KCNH7: variants seen among roughly 807,000 people sequenced by gnomAD.
The protein encoded by KCNH7 is potassium voltage-gated channel subfamily H member 7.
KCNH7 carries 49 observed loss-of-function variants against 120.8 expected under a neutral mutation model. The ratio of observed to expected loss-of-function variants is 0.41; its 90% confidence interval spans 0.32 to 0.51. KCNH7 has a LOEUF of 0.51. KCNH7 is among the 20% of genes least tolerant of loss of function. KCNH7 has a pLI of 0.38. For missense variants in KCNH7, 1,097 were observed against 1,446.6 expected, an observed-to-expected ratio of 0.76 and a Z score of 3.92; for synonymous variants, 547 against 516.1, an observed-to-expected ratio of 1.06 and a Z score of -0.81.
At chr2:162,669,828 G>A (rs370483680) in intron 2 of KCNH7, among the ~76,000 whole-genome samples, 7 of 152,102 alleles carry the variant, frequency 4.6e-5, no homozygotes, top group South Asian at 2.1e-4. Context: ...GGCCGGGAGC[G>A]GTGGCTCACA....
chr2:162,716,739 T>G (rs546651455), intron 2 of KCNH7, among the ~76,000 whole-genome samples: 2 of 152,294 alleles, frequency 1.3e-5, no homozygotes, highest in South Asian at 4.1e-4. Flanking sequence ...GCACAAGTTT[T>G]GGAGCAGACC....
rs1040932510 is a variant in KCNH7, at chr2:162,569,605, C to A, written c.308-32525G>T. On this transcript the variant is annotated intron_variant, in intron 2 of 15. Transcript: ENST00000332142. ...TGTGTTTGCTCTTGCTTTTCTAGTTCTTTTAATTGTGATGTTAGGGTGTCA... is the reference window on the plus strand; with the variant it reads ...TGTGTTTGCTCTTGCTTTTCTAGTTATTTTAATTGTGATGTTAGGGTGTCA... Among the ~76,000 whole-genome samples the A allele has an allele frequency of 8.9e-5, 13 of 146,586 alleles. No homozygotes were observed. The East Asian group carries it at 2.7e-3, about 30-fold the overall frequency.
chr2:162,820,085 G>A (rs1685058898), intron 2 of KCNH7, among the ~76,000 whole-genome samples: 1 of 138,528 alleles, frequency 7.2e-6, no homozygotes, highest in African/African-American at 2.7e-5. Flanking sequence ...TGTCGCCCAG[G>A]CTGGAGTGCA....
intron 2 of KCNH7, among the ~76,000 whole-genome samples, chr2:162,610,072 T>A (rs1038212037): frequency 6.6e-6 from 1 of 152,178 alleles, no homozygotes; most frequent in African/African-American, 2.4e-5. Flanking sequence ...CTGGGTTAAA[T>A]TGAACCTCAG....
In KCNH7 at chr2:162,689,153, T is replaced by C. The variant is rs185083800; in HGVS notation, c.307+147384A>G. Among the ~76,000 whole-genome samples the C allele has an allele frequency of 4.8e-4, 73 of 151,636 alleles. 1 individual carries two copies. Among genetic ancestry groups the C allele is most frequent in the African/African-American group, 1.6e-3 (67 of 41,360 alleles). The stretch of plus-strand genomic sequence containing the variant: ...TATTACATTTAGTTACTATTATTAT[T>C]ATTATTATTATTATTTGAGATGGAG... On this transcript the variant is annotated intron_variant, in intron 2 of 15. Transcript: ENST00000332142.
intron 2 of KCNH7, among the ~76,000 whole-genome samples, chr2:162,698,163 T>G (rs1574279208): frequency 6.6e-6 from 1 of 152,268 alleles, no homozygotes; most frequent in East Asian, 1.9e-4. Context: ...TTCAAATCCA[T>G]AAAACATTTA....
At chr2:162,696,729 A>C (rs2105336397) in intron 2 of KCNH7, among the ~76,000 whole-genome samples, 1 of 152,326 alleles carries the variant, frequency 6.6e-6, no homozygotes, top group Admixed American at 6.5e-5. Context: ...CAGTTATTGA[A>C]GAAGCTAGCA....
At chr2:162,674,758 T>C (rs1284898837) in intron 2 of KCNH7, among the ~76,000 whole-genome samples, 1 of 151,684 alleles carries the variant, frequency 6.6e-6, no homozygotes, top group Non-Finnish European at 1.5e-5. Flanking sequence ...CAGACCATTT[T>C]ACTCAGAAAA....
intron 9 of KCNH7, among the ~76,000 whole-genome samples, chr2:162,401,765 G>C (rs1687070365): frequency 6.6e-6 from 1 of 151,788 alleles, no homozygotes; most frequent in South Asian, 2.1e-4. Flanking sequence ...TCACAGAAAT[G>C]AATAGGGAGC....
At chr2:162,667,054 C>T (rs1400018104) in intron 2 of KCNH7, among the ~76,000 whole-genome samples, 5 of 143,450 alleles carry the variant, frequency 3.5e-5, no homozygotes, top group African/African-American at 1.3e-4. Context: ...TGATCTCACT[C>T]CATCACCCAG....
intron 2 of KCNH7, among the ~76,000 whole-genome samples, chr2:162,719,105 G>C (rs778276479): frequency 6.6e-6 from 1 of 152,014 alleles, no homozygotes; most frequent in Non-Finnish European, 1.5e-5. Flanking sequence ...TTTCAGACAA[G>C]ATAACAGAGC....
intron 2 of KCNH7, among the ~76,000 whole-genome samples, chr2:162,554,453 G>A (rs750592802): frequency 4.6e-5 from 7 of 151,842 alleles, no homozygotes; most frequent in East Asian, 1.9e-4. Context: ...AAAGCCTGGC[G>A]TGTTTAAAAC....
intron 2 of KCNH7, among the ~76,000 whole-genome samples, chr2:162,556,393 G>A (rs1283055342): frequency 2.0e-5 from 3 of 152,072 alleles, no homozygotes; most frequent in African/African-American, 7.2e-5. Flanking sequence ...GTGACACCTG[G>A]TTATTGAACA....
chr2:162,429,758 C>T (rs1032029654), intron 8 of KCNH7, among the ~76,000 whole-genome samples: 3 of 150,526 alleles, frequency 2.0e-5, no homozygotes, highest in African/African-American at 5.0e-5. Flanking sequence ...TTTATTCATA[C>T]TTAACTTGTT....
chr2:162,445,404 G>A (rs1688544968), intron 7 of KCNH7, among the ~76,000 whole-genome samples: 1 of 152,066 alleles, frequency 6.6e-6, no homozygotes, highest in South Asian at 2.1e-4. Flanking sequence ...TGAACTGTAG[G>A]AAAACTTAAC....
intron 2 of KCNH7, among the ~76,000 whole-genome samples, chr2:162,834,198 T>C (rs1332363130): frequency 6.6e-6 from 1 of 152,086 alleles, no homozygotes. Context: ...GTAGTTGTCA[T>C]ATAAATAAAA....
At chr2:162,636,598 A>AC (rs1327022017) in intron 2 of KCNH7, among the ~76,000 whole-genome samples, 9 of 152,146 alleles carry the variant, frequency 5.9e-5, no homozygotes, top group Non-Finnish European at 1.2e-4. Flanking sequence ...AAGTTCATTG[A>AC]CATGACATAG....
chr2:162,757,618 A>C (rs556327659), intron 2 of KCNH7, among the ~76,000 whole-genome samples: 33 of 152,260 alleles, frequency 2.2e-4, no homozygotes, highest in Admixed American at 1.8e-3. Flanking sequence ...TTCTAGGTAA[A>C]GGAACTGCCA....
chr2:162,800,194 C>T (rs1451685389), intron 2 of KCNH7, among the ~76,000 whole-genome samples: 2 of 151,494 alleles, frequency 1.3e-5, no homozygotes, highest in Non-Finnish European at 3.0e-5. Context: ...GAAAAATAAC[C>T]AGATGTAGCA....
Sources: allele counts gnomAD v4.1 joint callset (sites outside exome capture counted in the v4.1 genomes callset), GRCh38; gene constraint gnomAD v4.1.1; transcripts MANE v1.5; gene names NCBI Gene and HGNC (gene_info 2026-07-23, HGNC 2026-07-21).